Variants in BTBD9 observed in about 807,000 individuals in gnomAD.
The protein encoded by BTBD9 is BTB/POZ domain-containing protein 9.
In BTBD9, 49 loss-of-function variants were observed where a neutral mutation model predicts 64.3. That is an observed-to-expected ratio of 0.76 (90% CI 0.61 to 0.97). The LOEUF (loss-of-function observed/expected upper bound fraction) is 0.97. Ranked by LOEUF, BTBD9 falls within the 50% of genes least tolerant of loss-of-function variation. The pLI, the probability that BTBD9 is intolerant of heterozygous loss-of-function variation, is 0.00. For synonymous variants in BTBD9, 260 were observed against 274.7 expected, an observed-to-expected ratio of 0.95 and a Z score of 0.53; for missense variants, 598 against 762.1, an observed-to-expected ratio of 0.78 and a Z score of 2.53.
chr6:38,394,149 G>T (rs959757406), intron 6 of BTBD9, among the ~76,000 whole-genome samples: 3 of 152,174 alleles, frequency 2.0e-5, no homozygotes, highest in Non-Finnish European at 4.4e-5. Context: ...TAAACCAGAA[G>T]GATGTAGTCC....
rs1401232029 is a variant in BTBD9, at chr6:38,583,971, C to T, written c.815-3534G>A. ...CAAATCATAATAAAATAAATCAAAC[C>T]ATAAATATTCTTAGTGCCTATATCT... is the stretch of plus-strand genomic sequence containing the variant. On this transcript the variant is annotated intron_variant, in intron 4 of 10. Transcript: ENST00000481247. Among the ~76,000 whole-genome samples the T allele has an allele frequency of 2.6e-5, 4 of 151,728 alleles. No homozygotes were observed. The East Asian group carries it at 7.7e-4, about 29-fold the overall frequency.
chr6:38,443,006 TTA>T (rs1769108516), intron 6 of BTBD9, among the ~76,000 whole-genome samples: 2 of 151,862 alleles, frequency 1.3e-5, no homozygotes, highest in South Asian at 4.2e-4. Flanking sequence ...CAAGGATTTT[TTA>T]AAAAAAAATT....
intron 8 of BTBD9, among the ~76,000 whole-genome samples, chr6:38,272,346 C>T (rs748501301): frequency 7.9e-5 from 12 of 152,036 alleles, no homozygotes; most frequent in Non-Finnish European, 1.6e-4. Context: ...TGTTGGTGAC[C>T]AGGAGAAAAT....
intron 6 of BTBD9, among the ~76,000 whole-genome samples, chr6:38,508,142 A>C (rs1248694774): frequency 6.6e-6 from 1 of 151,954 alleles, no homozygotes; most frequent in African/African-American, 2.4e-5. Context: ...CATGTCTCCC[A>C]AATCTTTAGC....
intron 4 of BTBD9, among the ~76,000 whole-genome samples, chr6:38,582,469 A>C (rs1776334950): frequency 6.6e-6 from 1 of 152,214 alleles, no homozygotes; most frequent in Non-Finnish European, 1.5e-5. Context: ...TACTTGTCCC[A>C]GGTCACAAAG....
intron 9 of BTBD9, among the ~76,000 whole-genome samples, chr6:38,217,780 A>G (rs1396870162): frequency 6.6e-6 from 1 of 151,490 alleles, no homozygotes; most frequent in Non-Finnish European, 1.5e-5. Context: ...CCTTGGGCAA[A>G]TCACTTGATC....
chr6:38,381,380 C>G (rs777935642), intron 6 of BTBD9, among the ~76,000 whole-genome samples: 11 of 152,052 alleles, frequency 7.2e-5, no homozygotes, highest in Non-Finnish European at 1.6e-4. Flanking sequence ...TAACTATATA[C>G]TGATAAAAGG....
rs150945749 is a variant in BTBD9, at chr6:38,401,500, C to G, written c.1155-56407G>C. ...CCTCCAGGCTCTATAATGGCTCAAA[C>G]AGTCTTGCTGAAGGATCCTTTGAAA... On this transcript the variant is annotated intron_variant, in intron 6 of 10. Coordinates refer to ENST00000481247, the MANE Select transcript of BTBD9 (RefSeq NM_001099272.2). 2.2e-3 allele frequency among the ~76,000 whole-genome samples: 342 copies of G among 152,278 alleles called. 2 individuals carry two copies. The highest frequency in any genetic ancestry group is 7.8e-3 in the African/African-American group (326 of 41,546).
chr6:38,271,470 T>C (rs1013190129), intron 8 of BTBD9, among the ~76,000 whole-genome samples: 1 of 152,180 alleles, frequency 6.6e-6, no homozygotes, highest in African/African-American at 2.4e-5. Flanking sequence ...TTTACCTGTA[T>C]GGGCCAGAAA....
At chr6:38,439,767 C>G (rs1188943076) in intron 6 of BTBD9, among the ~76,000 whole-genome samples, 4 of 152,138 alleles carry the variant, frequency 2.6e-5, no homozygotes, top group African/African-American at 9.7e-5. Flanking sequence ...TTTAACAGCT[C>G]ACTGCAGCCT....
At chr6:38,471,236 G>A (rs747609087) in intron 6 of BTBD9, among the ~76,000 whole-genome samples, 26 of 152,100 alleles carry the variant, frequency 1.7e-4, no homozygotes, top group Non-Finnish European at 3.4e-4. Flanking sequence ...TGACCTAACT[G>A]GCAACTAACA....
chr6:38,304,814 G>T (rs915258441), intron 7 of BTBD9, among the ~76,000 whole-genome samples: 5 of 152,076 alleles, frequency 3.3e-5, no homozygotes, highest in African/African-American at 1.2e-4. Context: ...CTGGAAAGAA[G>T]AAGAAAAGGA....
intron 6 of BTBD9, among the ~76,000 whole-genome samples, chr6:38,494,394 C>T (rs984624394): frequency 2.0e-4 from 31 of 152,108 alleles, no homozygotes; most frequent in South Asian, 6.2e-4. Flanking sequence ...GAAATCAAAG[C>T]GAAACAAAAC....
At chr6:38,494,755 A>C (rs1357399487) in intron 6 of BTBD9, among the ~76,000 whole-genome samples, 2 of 152,228 alleles carry the variant, frequency 1.3e-5, no homozygotes, top group African/African-American at 4.8e-5. Context: ...GGAAAAGATA[A>C]CCCTTTGGTT....
intron 6 of BTBD9, among the ~76,000 whole-genome samples, chr6:38,526,993 T>C (rs779143436): frequency 4.1e-4 from 62 of 152,180 alleles, no homozygotes; most frequent in Non-Finnish European, 7.2e-4. Context: ...TGTGAAAAGA[T>C]GGCTGGGTGC....
intron 6 of BTBD9, among the ~76,000 whole-genome samples, chr6:38,573,307 T>C (rs1207573988): frequency 6.6e-6 from 1 of 152,208 alleles, no homozygotes; most frequent in Non-Finnish European, 1.5e-5. Flanking sequence ...GCAAGTTTTA[T>C]CAATATTTAA....
chr6:38,393,558 C>T (rs1181837422), intron 6 of BTBD9, among the ~76,000 whole-genome samples: 3 of 151,986 alleles, frequency 2.0e-5, no homozygotes, highest in Admixed American at 2.0e-4. Flanking sequence ...ATACTAGCCA[C>T]AACACAGTTA....
intron 6 of BTBD9, among the ~76,000 whole-genome samples, chr6:38,501,862 C>T (rs1402599661): frequency 6.6e-6 from 1 of 152,202 alleles, no homozygotes; most frequent in East Asian, 1.9e-4. Context: ...TATTTTTCAT[C>T]AAAAATGATA....
intron 10 of BTBD9, chr6:38,179,659 T>C (rs943478533): frequency 1.3e-5 from 6 of 456,656 alleles, no homozygotes; most frequent in Non-Finnish European, 2.6e-5. Context: ...CTTCTGCAAA[T>C]GGCGAGTGGC....
Sources: allele counts gnomAD v4.1 joint callset (sites outside exome capture counted in the v4.1 genomes callset), GRCh38; gene constraint gnomAD v4.1.1; transcripts MANE v1.5; gene names NCBI Gene and HGNC (gene_info 2026-07-23, HGNC 2026-07-21).